The following PRDM16 variants were observed in gnomAD, a reference collection of about 807,000 sequenced individuals.
PRDM16 encodes PR/SET domain 16, also known as histone-lysine N-methyltransferase PRDM16.
A neutral mutation model predicts 110.6 loss-of-function variants in PRDM16; 23 were observed. That is an observed-to-expected ratio of 0.21 (90% CI 0.15 to 0.29). The LOEUF is 0.29. Among genes scored for constraint, PRDM16 ranks in the 10% least tolerant of loss-of-function variants. PRDM16 has a pLI of 1.00. For synonymous variants in PRDM16, 799 were observed against 781.8 expected (o/e 1.02, Z -0.37); for missense variants, 1,615 against 1,794.3 (o/e 0.90, Z 1.81).
At chr1:3,299,090 C>T (rs942767675) in intron 3 of PRDM16, among the ~76,000 whole-genome samples, 6 of 152,268 alleles carry the variant, frequency 3.9e-5, no homozygotes, top group Non-Finnish European at 7.3e-5. Flanking sequence ...CTGGCTCGGC[C>T]CTTGTTGGAG....
At chr1:3,118,051 C>CTG (rs929832441) in intron 1 of PRDM16, among the ~76,000 whole-genome samples, 3 of 151,058 alleles carry the variant, frequency 2.0e-5, no homozygotes, top group Admixed American at 6.6e-5. Context: ...CATGCTCATG[C>CTG]TGTGTGTGTA....
At chr1:3,114,217 GAACACA>G (rs1642876751) in intron 1 of PRDM16, among the ~76,000 whole-genome samples, 2 of 90,162 alleles carry the variant, frequency 2.2e-5, no homozygotes, top group Admixed American at 1.3e-4. Context: ...ACACGCACAC[GAACACA>G]CACGCACACA....
chr1:3,164,132 C>T (rs541182172), intron 1 of PRDM16, among the ~76,000 whole-genome samples: 25 of 152,378 alleles, frequency 1.6e-4, no homozygotes, highest in Admixed American at 3.9e-4. Context: ...CAGAGGCCGC[C>T]GCTTCATGAA....
Position 3,299,149 on chromosome 1 carries a change from G to A in PRDM16, c.438+55012G>A, listed in dbSNP as rs538478862. 4.6e-5 allele frequency among the ~76,000 whole-genome samples: 7 copies of A among 151,924 alleles called. No homozygotes were observed. In the South Asian group the frequency reaches 1.4e-3, roughly 31 times the overall value. ...TTCCGATCCCAGTCGTGGTGGCTCT[G>A]CCCTGGTTGAAGATGCTGTGCTGTG... On this transcript the variant is annotated intron_variant, in intron 3 of 16. Transcript: ENST00000270722.
rs1643121463 is a variant in PRDM16, at chr1:3,382,592, G to T, written c.439-2560G>T. The stretch of plus-strand genomic sequence containing the variant: ...AGCCGGGGCCCAGAACAGGGGGAAG[G>T]TGTTGGCTGAGCCCATGTCTTGGGT... On this transcript the variant is annotated intron_variant, in intron 3 of 16. Coordinates refer to ENST00000270722, the MANE Select transcript of PRDM16 (RefSeq NM_022114.4). The surrounding 1 kb of genome is among the most constrained non-coding windows in gnomAD (Gnocchi z 6.6). 6.6e-6 allele frequency among the ~76,000 whole-genome samples: 1 copy of T among 152,180 alleles called. No homozygotes were observed.
intron 3 of PRDM16, among the ~76,000 whole-genome samples, chr1:3,314,993 TGA>T (rs2100429326): frequency 6.6e-6 from 1 of 152,302 alleles, no homozygotes; most frequent in Admixed American, 6.5e-5. Context: ...ATGGATCGAC[TGA>T]GAGCATGGCA....
At chr1:3,292,758 G>C (rs886856477) in intron 3 of PRDM16, among the ~76,000 whole-genome samples, 5 of 152,258 alleles carry the variant, frequency 3.3e-5, no homozygotes, top group Non-Finnish European at 2.9e-5. Context: ...GGGAAGAATG[G>C]GGAGCCCAGG....
intron 1 of PRDM16, among the ~76,000 whole-genome samples, chr1:3,144,543 G>A (rs903060460): frequency 6.6e-6 from 1 of 152,124 alleles, no homozygotes; most frequent in Admixed American, 6.5e-5. Context: ...TGGGGTGGGT[G>A]GGGGAGGGGG....
intron 5 of PRDM16, among the ~76,000 whole-genome samples, chr1:3,402,478 G>A (rs959019133): frequency 4.6e-5 from 7 of 152,198 alleles, no homozygotes; most frequent in East Asian, 1.9e-4. Context: ...ACTCCCGAGC[G>A]GGGCCTTCTC....
chr1:3,181,166 T>A lies in PRDM16; in HGVS notation c.38-4959T>A, dbSNP rs78546540. On this transcript the variant is annotated intron_variant, in intron 1 of 16. Coordinates refer to ENST00000270722, the MANE Select transcript of PRDM16 (RefSeq NM_022114.4). ...CTTACACACGCAGTCTTACACGCGG[T>A]CTTACGGTCTTACACACGCAGTCTT... 6.1e-4 allele frequency among the ~76,000 whole-genome samples: 19 copies of A among 31,350 alleles called. No homozygotes were observed. In the Admixed American group the frequency reaches 6.3e-3, roughly 10 times the overall value. 20.6% of individuals were successfully genotyped at this position (31,350 alleles called of 152,430 possible).
At chr1:3,314,388 T>C (rs1284595881) in intron 3 of PRDM16, among the ~76,000 whole-genome samples, 2 of 152,112 alleles carry the variant, frequency 1.3e-5, no homozygotes, top group East Asian at 3.9e-4. Flanking sequence ...CGGAAGGATT[T>C]GTTTTTGTGT....
intron 3 of PRDM16, among the ~76,000 whole-genome samples, chr1:3,298,344 C>T (rs1319431823): frequency 2.0e-5 from 3 of 152,232 alleles, no homozygotes; most frequent in African/African-American, 7.2e-5. Context: ...CCAGAACGCA[C>T]CAGCAGAGGC....
At chr1:3,336,710 A>C (rs1195823314) in intron 3 of PRDM16, among the ~76,000 whole-genome samples, 1 of 150,750 alleles carries the variant, frequency 6.6e-6, no homozygotes, top group African/African-American at 2.5e-5. Flanking sequence ...GAGCACATGC[A>C]TGCACATGTG....
intron 3 of PRDM16, among the ~76,000 whole-genome samples, chr1:3,256,843 T>C (rs778290233): frequency 6.7e-5 from 10 of 148,972 alleles, no homozygotes; most frequent in African/African-American, 9.8e-5. Context: ...GGCGACAGAG[T>C]GCGACTCCAT....
chr1:3,076,722 T>G (rs1222296313), intron 1 of PRDM16, among the ~76,000 whole-genome samples: 1 of 152,214 alleles, frequency 6.6e-6, no homozygotes, highest in Non-Finnish European at 1.5e-5. Flanking sequence ...TTTTCCAGGC[T>G]TTACCGGGGC....
At chr1:3,409,963 G>C (rs1472266692) in intron 8 of PRDM16, among the ~76,000 whole-genome samples, 3 of 118,994 alleles carry the variant, frequency 2.5e-5, no homozygotes, top group Non-Finnish European at 5.3e-5. Context: ...TGCGTGTGGG[G>C]GGTGTGGTTG....
chr1:3,152,118 C>T (rs555024065), intron 1 of PRDM16, among the ~76,000 whole-genome samples: 3 of 152,296 alleles, frequency 2.0e-5, no homozygotes, highest in South Asian at 2.1e-4. Flanking sequence ...TGAGCATGGA[C>T]GTGGCTGGAG....
At chr1:3,079,767 G>A (rs1264480137) in intron 1 of PRDM16, among the ~76,000 whole-genome samples, 1 of 152,198 alleles carries the variant, frequency 6.6e-6, no homozygotes, top group Non-Finnish European at 1.5e-5. Flanking sequence ...GGGAGTGTGA[G>A]GACGTGTGTG....
intron 1 of PRDM16, among the ~76,000 whole-genome samples, chr1:3,170,058 T>G (rs939201449): frequency 1.1e-4 from 4 of 36,852 alleles, no homozygotes; most frequent in South Asian, 2.6e-3. Flanking sequence ...AATTAATGAA[T>G]TTTTTTTTTC....
Sources: allele counts gnomAD v4.1 joint callset (sites outside exome capture counted in the v4.1 genomes callset), GRCh38; gene constraint gnomAD v4.1.1; non-coding constraint Gnocchi (gnomAD v3.1); transcripts MANE v1.5; gene names NCBI Gene and HGNC (gene_info 2026-07-23, HGNC 2026-07-21).